PLD1: variants seen among roughly 807,000 people sequenced by gnomAD.
The protein encoded by PLD1 is choline phosphatase 1.
In PLD1, 112 loss-of-function variants were observed where a neutral mutation model predicts 137.1. The observed-to-expected ratio is 0.82, with a 90% CI of 0.70 to 0.96. The LOEUF is 0.96. Among genes scored for constraint, PLD1 ranks in the 40% least tolerant of loss-of-function variants. The pLI, the probability that PLD1 is intolerant of heterozygous loss-of-function variation, is 0.00. For missense variants in PLD1, 1,321 were observed against 1,342.0 expected, an observed-to-expected ratio of 0.98 and a Z score of 0.24; for synonymous variants, 431 against 454.7, an observed-to-expected ratio of 0.95 and a Z score of 0.66.
intron 1 of PLD1, among the ~76,000 whole-genome samples, chr3:171,780,068 A>C (rs1290371078): frequency 1.3e-5 from 2 of 151,286 alleles, no homozygotes; most frequent in African/African-American, 2.4e-5. Context: ...GTTTATATAC[A>C]TAAGTCTGAG....
At chr3:171,675,753 T>C (rs532022223) in intron 18 of PLD1, among the ~76,000 whole-genome samples, 60 of 152,236 alleles carry the variant, frequency 3.9e-4, no homozygotes, top group African/African-American at 1.3e-3. Context: ...TTGATAAAAC[T>C]AAATTCTTTT....
chr3:171,709,749 C>T, intron 9 of PLD1, 40 bp from the exon 10 acceptor site: 14 of 1,554,166 alleles, frequency 9.0e-6, no homozygotes, highest in Non-Finnish European at 1.2e-5. Context: ...ACTGGTCACT[C>T]TGTTCTATCT....
chr3:171,706,061 C>T (rs943489444), intron 11 of PLD1, among the ~76,000 whole-genome samples: 4 of 152,076 alleles, frequency 2.6e-5, no homozygotes, highest in African/African-American at 9.7e-5. Context: ...AACTTTTAAA[C>T]TTTTGGACCA....
At chr3:171,661,858 G>C (rs748762852) in intron 20 of PLD1, among the ~76,000 whole-genome samples, 2 of 152,184 alleles carry the variant, frequency 1.3e-5, no homozygotes, top group African/African-American at 2.4e-5. Context: ...AGAATCTTGA[G>C]TTAATGACAA....
At chr3:171,675,064 C>T (rs1316501107) in intron 18 of PLD1, among the ~76,000 whole-genome samples, 2 of 150,490 alleles carry the variant, frequency 1.3e-5, no homozygotes, top group Non-Finnish European at 3.0e-5. Context: ...TAATGGTGGA[C>T]ATTTCTAAGT....
chr3:171,733,035 T>C lies in PLD1; in HGVS notation c.606+409A>G, dbSNP rs537699936. ...CAAACCAATCAGATGGCAATCGCCCTACGCACCACAAAATCTTCAGGCATT... is the reference window on the plus strand; with the variant it reads ...CAAACCAATCAGATGGCAATCGCCCCACGCACCACAAAATCTTCAGGCATT... On this transcript the variant is annotated intron_variant, in intron 6 of 26. Transcript: ENST00000351298. Among the ~76,000 whole-genome samples the C allele has an allele frequency of 2.0e-5, 3 of 152,330 alleles. No homozygotes were observed. The South Asian group carries it at 6.2e-4, about 32-fold the overall frequency.
intron 1 of PLD1, among the ~76,000 whole-genome samples, chr3:171,800,619 G>T (rs370076434): frequency 6.6e-6 from 1 of 152,148 alleles, no homozygotes; most frequent in Non-Finnish European, 1.5e-5. Context: ...TACATCCCTG[G>T]ACCCAATCTC....
intron 1 of PLD1, among the ~76,000 whole-genome samples, chr3:171,740,504 CT>C (rs766811279): frequency 2.6e-5 from 4 of 152,148 alleles, no homozygotes; most frequent in African/African-American, 7.2e-5. Flanking sequence ...ATTAAACAGA[CT>C]TATTAACTTT....
intron 1 of PLD1, among the ~76,000 whole-genome samples, chr3:171,808,804 C>G (rs116656893): frequency 0.016 from 2,082 of 132,558 alleles, 64 homozygotes; most frequent in African/African-American, 0.057. Flanking sequence ...TCCTCAAAGC[C>G]TTAGCATTCA....
intron 12 of PLD1, among the ~76,000 whole-genome samples, chr3:171,695,757 G>A (rs879908738): frequency 3.0e-5 from 2 of 66,294 alleles, no homozygotes; most frequent in Admixed American, 2.4e-4. Flanking sequence ...CCCCAACCCA[G>A]GATGCTCACT....
In PLD1 at chr3:171,631,334, C is replaced by T. The variant is rs1734642165; in HGVS notation, c.2594-10814G>A. ...TAAATATGCTGCGGATAATGGGAGC[C>T]GTGTTTCTCACTGTGAAAGAAAGGA... is the stretch of plus-strand genomic sequence containing the variant. On this transcript the variant is annotated intron_variant, in intron 23 of 26. Coordinates refer to ENST00000351298, the MANE Select transcript of PLD1 (RefSeq NM_002662.5). Among the ~76,000 whole-genome samples, 4 of 152,000 alleles carry T rather than the reference C, an allele frequency of 2.6e-5. No individual in the cohort carries two copies. In the South Asian group the frequency reaches 6.2e-4, roughly 24 times the overall value.
At chr3:171,747,483 T>C (rs907397091) in intron 1 of PLD1, among the ~76,000 whole-genome samples, 8 of 151,832 alleles carry the variant, frequency 5.3e-5, no homozygotes, top group Non-Finnish European at 7.4e-5. Context: ...TTTTTTTTTT[T>C]TCTCCTCTAG....
chr3:171,693,547 G>A (rs1038948923), intron 12 of PLD1, among the ~76,000 whole-genome samples: 1 of 151,852 alleles, frequency 6.6e-6, no homozygotes, highest in African/African-American at 2.4e-5. Flanking sequence ...CCCCCACCTT[G>A]TGGATTGCTT....
At chr3:171,758,993 C>T (rs1036734142) in intron 1 of PLD1, among the ~76,000 whole-genome samples, 8 of 152,158 alleles carry the variant, frequency 5.3e-5, no homozygotes, top group African/African-American at 1.9e-4. Flanking sequence ...GTAGAGCTGC[C>T]CTGTGGATTG....
At chr3:171,710,441 C>G (rs1370254298) in intron 9 of PLD1, among the ~76,000 whole-genome samples, 3 of 152,276 alleles carry the variant, frequency 2.0e-5, no homozygotes, top group Non-Finnish European at 2.9e-5. Flanking sequence ...CCACCTCAGG[C>G]CATCAGGAAG....
chr3:171,616,713 C>T (rs1733141709), intron 24 of PLD1, among the ~76,000 whole-genome samples: 2 of 152,154 alleles, frequency 1.3e-5, no homozygotes, highest in Admixed American at 6.5e-5. Context: ...AGGAAATGGA[C>T]TCTCCCTAAC....
intron 23 of PLD1, among the ~76,000 whole-genome samples, chr3:171,637,843 A>G (rs1298940504): frequency 6.6e-6 from 1 of 152,108 alleles, no homozygotes; most frequent in African/African-American, 2.4e-5. Flanking sequence ...GAATCTAAGC[A>G]TAGAAAAAGC....
chr3:171,623,400 C>T (rs150155957), intron 23 of PLD1, among the ~76,000 whole-genome samples: 1,792 of 150,604 alleles, frequency 0.012, 33 homozygotes, highest in African/African-American at 0.038. Context: ...CTGCAAGCTC[C>T]GCCTCCCGGG....
chr3:171,746,267 G>T (rs544265670), intron 1 of PLD1, among the ~76,000 whole-genome samples: 212 of 152,316 alleles, frequency 1.4e-3, no homozygotes, highest in African/African-American at 4.9e-3. Flanking sequence ...GTGCAGGCTC[G>T]CAGCGCGGGA....
Sources: gnomAD v4.1 joint callset for allele counts (sites outside exome capture counted in the v4.1 genomes callset) on GRCh38, gnomAD v4.1.1 for gene constraint, MANE v1.5 for transcripts, NCBI Gene and HGNC (gene_info 2026-07-23, HGNC 2026-07-21) for gene names.